The following ZNF804A variants were observed in gnomAD, a reference collection of about 807,000 sequenced individuals.
ZNF804A encodes zinc finger protein 804A.
Under a neutral mutation model 16.5 loss-of-function variants are expected in ZNF804A, and 2 were observed. The observed-to-expected ratio is 0.12, with a 90% confidence interval of 0.05 to 0.38. The LOEUF is 0.38. ZNF804A is among the 10% of genes least tolerant of loss of function. The probability of loss-of-function intolerance (pLI) is 0.99; values close to 1 mark genes in which losing one functional copy is unlikely to be tolerated. For synonymous variants in ZNF804A, 534 were observed against 489.6 expected (o/e 1.09, Z -1.20); for missense variants, 1,473 against 1,390.7 (o/e 1.06, Z -0.94).
At position 184,864,063 on chromosome 2, in the gene ZNF804A, A is replaced by G. The variant is rs576554727; in HGVS notation, c.112-2306A>G. On this transcript the variant is annotated intron_variant, in intron 1 of 3. Transcript: ENST00000302277. The stretch of plus-strand genomic sequence containing the variant: ...TGTCTTAGTTCATTTGTGTTGTTCT[A>G]AAAGAATACTTGAGGCTGGGTAATT... 1.5e-4 allele frequency among the ~76,000 whole-genome samples: 23 copies of G among 152,318 alleles called. No homozygotes were observed. The South Asian group carries it at 4.1e-3, about 27-fold the overall frequency.
chr2:184,901,785 G>T (rs754638851), intron 2 of ZNF804A, among the ~76,000 whole-genome samples: 1 of 151,664 alleles, frequency 6.6e-6, no homozygotes, highest in South Asian at 2.1e-4. Context: ...TATATGTTTT[G>T]CTAATTATAA....
chr2:184,736,689 A>G (rs1489451195), intron 1 of ZNF804A, among the ~76,000 whole-genome samples: 1 of 145,610 alleles, frequency 6.9e-6, no homozygotes, highest in African/African-American at 2.8e-5. Flanking sequence ...CTGCACATGT[A>G]TCCCGAACTT....
At chr2:184,747,626 AT>A (rs1365254354) in intron 1 of ZNF804A, among the ~76,000 whole-genome samples, 1 of 151,254 alleles carries the variant, frequency 6.6e-6, no homozygotes, top group Non-Finnish European at 1.5e-5. Flanking sequence ...ATATTTTCAT[AT>A]CAGGTAATGT....
At chr2:184,689,388 C>T (rs573158139) in intron 1 of ZNF804A, among the ~76,000 whole-genome samples, 1 of 152,084 alleles carries the variant, frequency 6.6e-6, no homozygotes, top group South Asian at 2.1e-4. Context: ...TTGACTTATC[C>T]TTTAATGGTT....
intron 2 of ZNF804A, among the ~76,000 whole-genome samples, chr2:184,919,819 C>CA (rs1044044969): frequency 2.0e-5 from 3 of 151,930 alleles, no homozygotes; most frequent in Admixed American, 6.6e-5. Context: ...AGGGTAGTTG[C>CA]AAAAAAGAAC....
chr2:184,719,206 G>A (rs903445204), intron 1 of ZNF804A, among the ~76,000 whole-genome samples: 1 of 152,120 alleles, frequency 6.6e-6, no homozygotes, highest in Non-Finnish European at 1.5e-5. Context: ...TTTAGTCACG[G>A]CTGGGGCAGC....
At chr2:184,807,619 A>G (rs776514574) in intron 1 of ZNF804A, among the ~76,000 whole-genome samples, 5 of 151,878 alleles carry the variant, frequency 3.3e-5, no homozygotes, top group Non-Finnish European at 7.4e-5. Flanking sequence ...AAAAAATGCA[A>G]GAAAGCAAAT....
At chr2:184,623,787 C>T (rs1269812882) in intron 1 of ZNF804A, among the ~76,000 whole-genome samples, 1 of 152,066 alleles carries the variant, frequency 6.6e-6, no homozygotes, top group Admixed American at 6.6e-5. Context: ...ACACAACTTC[C>T]CCACATGCAA....
In ZNF804A at chr2:184,598,891, G is replaced by A; in HGVS notation, c.-69G>A. On this transcript the variant is annotated 5_prime_UTR_variant, in exon 1 of 4. Transcript: ENST00000302277. ...TCCCAGCCCACCGTCGCCGGCCCCG[G>A]CGCGCTGCGGCTGTGGGCGCGGGGT... The A allele has an allele frequency of 9.5e-7, 1 of 1,054,166 alleles. No homozygotes were observed. Among genetic ancestry groups the A allele is most frequent in the Non-Finnish European group, 1.3e-6 (1 of 766,544 alleles). 65.3% of individuals were successfully genotyped at this position (1,054,166 alleles called of 1,614,324 possible). A position where few individuals can be genotyped will look rare whatever the true frequency, so the allele number is the denominator to read the frequency against.
intron 2 of ZNF804A, among the ~76,000 whole-genome samples, chr2:184,871,421 A>AAC (rs1695972597): frequency 6.6e-6 from 1 of 151,048 alleles, no homozygotes; most frequent in Admixed American, 6.6e-5. Flanking sequence ...CCAGCAAAAA[A>AAC]AAAAAAAACA....
intron 1 of ZNF804A, among the ~76,000 whole-genome samples, chr2:184,732,762 T>C (rs1325742431): frequency 6.6e-6 from 1 of 152,120 alleles, no homozygotes. Flanking sequence ...TACCTAAGTA[T>C]TTTGTTTTGG....
intron 1 of ZNF804A, among the ~76,000 whole-genome samples, chr2:184,633,025 A>G (rs533249225): frequency 7.9e-5 from 12 of 152,228 alleles, no homozygotes; most frequent in African/African-American, 2.9e-4. Context: ...TGCTTACCAA[A>G]ACATTTTGCT....
chr2:184,628,219 G>A (rs1428849043), intron 1 of ZNF804A, among the ~76,000 whole-genome samples: 1 of 152,094 alleles, frequency 6.6e-6, no homozygotes, highest in Admixed American at 6.5e-5. Context: ...GAGTCTTGAG[G>A]CAGGATAATC....
chr2:184,645,669 G>T (rs1217005978), intron 1 of ZNF804A, among the ~76,000 whole-genome samples: 1 of 152,094 alleles, frequency 6.6e-6, no homozygotes. Flanking sequence ...ACATTTTAGG[G>T]ATTTTTTATT....
At position 184,840,938 on chromosome 2, in the gene ZNF804A, T is replaced by C. The variant is rs1695427178; in HGVS notation, c.112-25431T>C. ...TGACCATATTCAGTTGAATTTTACT[T>C]AACATTAGGAGAAATTAAGACGTTT... On this transcript the variant is annotated intron_variant, in intron 1 of 3. Transcript: ENST00000302277. 2.0e-5 allele frequency among the ~76,000 whole-genome samples: 3 copies of C among 152,162 alleles called. No homozygotes were observed. The South Asian group carries it at 6.2e-4, about 32-fold the overall frequency.
At chr2:184,864,334 C>T (rs543936845) in intron 1 of ZNF804A, among the ~76,000 whole-genome samples, 55 of 152,258 alleles carry the variant, frequency 3.6e-4, no homozygotes, top group African/African-American at 1.3e-3. Context: ...CTCAATCCTC[C>T]ATGGAGGGTG....
Position 184,938,711 on chromosome 2 carries a change from GCACGCTGCAGCTGCTGCAGCTGCAGC to G in ZNF804A, c.3316_3341del (p.His1106CysfsTer9), listed in dbSNP as rs1685840147. On this transcript the variant is annotated frameshift_variant, in exon 4 of 4. Transcript: ENST00000302277. LOFTEE classifies it low-confidence loss of function (END_TRUNC). ...CTATCCATCACACTGTTTTGCAGCA[GCACGCTGCAGCTGCTGCAGCTGCAGC>G]TGCAGCCGCAGCTGCAGGAACCTTT... 2.5e-6 allele frequency: 4 copies of G among 1,613,074 alleles called. No individual in the cohort carries two copies. The highest frequency in any genetic ancestry group is 3.4e-6 in the Non-Finnish European group (4 of 1,179,560).
At chr2:184,681,487 T>C (rs747773166) in intron 1 of ZNF804A, among the ~76,000 whole-genome samples, 9 of 152,192 alleles carry the variant, frequency 5.9e-5, no homozygotes, top group Non-Finnish European at 1.2e-4. Context: ...GCATGGTCTA[T>C]AGAGAATTTA....
At chr2:184,857,376 A>C (rs536518655) in intron 1 of ZNF804A, among the ~76,000 whole-genome samples, 2 of 152,210 alleles carry the variant, frequency 1.3e-5, no homozygotes, top group African/African-American at 4.8e-5. Flanking sequence ...AATTTATTAA[A>C]ACTTGTTTTG....
Sources: gnomAD v4.1 joint callset for allele counts (sites outside exome capture counted in the v4.1 genomes callset) on GRCh38, gnomAD v4.1.1 for gene constraint, MANE v1.5 for transcripts, NCBI Gene and HGNC (gene_info 2026-07-23, HGNC 2026-07-21) for gene names.